Variants in MYO3B observed in about 807,000 individuals in gnomAD.
MYO3B encodes the protein myosin IIIB, also known as myosin-IIIb.
Under a neutral mutation model 174.6 loss-of-function variants are expected in MYO3B, and 156 were observed. The ratio of observed to expected loss-of-function variants is 0.89; its 90% confidence interval spans 0.78 to 1.02. The LOEUF (loss-of-function observed/expected upper bound fraction) is 1.02. Ranked by LOEUF, MYO3B falls within the 50% of genes least tolerant of loss-of-function variation. The pLI, the probability that MYO3B is intolerant of heterozygous loss-of-function variation, is 0.00. For missense variants in MYO3B, 1,632 were observed against 1,639.4 expected (o/e 1.00, Z 0.08); for synonymous variants, 563 against 569.1 (o/e 0.99, Z 0.15).
Position 170,199,192 on chromosome 2 carries a change from T to C in MYO3B, c.3-16T>C. On this transcript the variant is annotated splice_polypyrimidine_tract_variant and intron_variant, in intron 1 of 34. Coordinates refer to ENST00000408978, the MANE Select transcript of MYO3B (RefSeq NM_138995.5). ...TCTGTGATCTGTTGCACATAACAAA[T>C]TTTTCCCCCAACCAGGAAACATCTG... 1 of 1,571,752 alleles carries C rather than the reference T, an allele frequency of 6.4e-7. No homozygotes were observed. Among genetic ancestry groups the C allele is most frequent in the Non-Finnish European group, 8.6e-7 (1 of 1,157,666 alleles).
rs1484172627 is a variant in MYO3B, at chr2:170,375,881, A to G, written c.972-6135A>G. 2.0e-5 allele frequency among the ~76,000 whole-genome samples: 3 copies of G among 152,232 alleles called. No individual in the cohort carries two copies. In the East Asian group the frequency reaches 5.8e-4, roughly 29 times the overall value. ...AATATCCTTTTATCTTCCTAACAGA[A>G]GAAATAAATCTATACCTTGCTATAA... On this transcript the variant is annotated intron_variant, in intron 9 of 34. Transcript: ENST00000408978.
In MYO3B at chr2:170,236,116, AAC is replaced by A. The variant is rs1199117767; in HGVS notation, c.732_733del (p.Phe246Ter). Reference protein sequence around the residue: ...PPLFDMHPVKTLFKIPRNPPP... With the variant: ...PPLFDMHPVKXLFKIPRNPPP... Reference sequence around the variant, plus strand: ...CCCTCTTTGACATGCATCCTGTGAAAACACTCTTTAAGATTCCAAGGTAAGAC... The same window carrying A: ...CCCTCTTTGACATGCATCCTGTGAAAACTCTTTAAGATTCCAAGGTAAGAC... On this transcript the variant is annotated frameshift_variant, in exon 7 of 35. Coordinates refer to ENST00000408978, the MANE Select transcript of MYO3B (RefSeq NM_138995.5). LOFTEE classifies it high-confidence loss of function. 2 of 1,614,184 alleles carry A rather than the reference AAC, an allele frequency of 1.2e-6. No homozygotes were observed. The highest frequency in any genetic ancestry group is 2.2e-5 in the South Asian group (2 of 91,074).
chr2:170,509,370 C>G (rs2106109844), intron 28 of MYO3B, among the ~76,000 whole-genome samples: 1 of 152,164 alleles, frequency 6.6e-6, no homozygotes, highest in South Asian at 2.1e-4. Flanking sequence ...AAAACAAAAA[C>G]AAAATGCTAT....
At chr2:170,225,712 C>A (rs917564515) in intron 6 of MYO3B, among the ~76,000 whole-genome samples, 1 of 152,100 alleles carries the variant, frequency 6.6e-6, no homozygotes, top group Admixed American at 6.6e-5. Context: ...ATCATAGATA[C>A]CTGCTACCCA....
chr2:170,499,517 G>A, intron 26 of MYO3B, 129 bp from the exon 27 acceptor site: 1 of 847,032 alleles, frequency 1.2e-6, no homozygotes, highest in Non-Finnish European at 1.8e-6. Context: ...AGTAATGTGA[G>A]CATAAGTCAC....
rs548031669 is a variant in MYO3B, at chr2:170,395,263, C to G, written c.1791+2768C>G. ...ATTGTGAAGATTGTGCTTTTCAACT[C>G]TTATTTCTGGAGCCAAACCATACTA... is the stretch of plus-strand genomic sequence containing the variant. On this transcript the variant is annotated intron_variant, in intron 16 of 34. Transcript: ENST00000408978. 2.6e-5 allele frequency among the ~76,000 whole-genome samples: 4 copies of G among 152,282 alleles called. No homozygotes were observed. In the East Asian group the frequency reaches 7.7e-4, roughly 29 times the overall value.
intron 32 of MYO3B, among the ~76,000 whole-genome samples, chr2:170,549,670 G>A (rs74347983): frequency 0.013 from 1,966 of 152,238 alleles, 51 homozygotes; most frequent in East Asian, 0.088. Flanking sequence ...CAACTTTCCT[G>A]TGACAGAAAT....
chr2:170,342,366 T>A (rs920220369), intron 8 of MYO3B: 3 of 152,190 alleles, frequency 2.0e-5, no homozygotes, highest in Non-Finnish European at 4.4e-5. Context: ...TAATAGAAAG[T>A]GAGGGTGAGT....
rs1463257005 is a variant in MYO3B at position 170,214,824 on chromosome 2, C to T, written c.522C>T (p.Asp174=). ...CAGAAGGAGGAGTTAAGCTCGTTGA[C>T]TTTGGTAATGACTGCTTGTCGTTTG... is the stretch of plus-strand genomic sequence containing the variant. ...LTTEGGVKLV[D]FGVSAQLTST... is the part of the protein sequence containing the mutation. Residue 174 remains aspartate, a synonymous_variant, in exon 5 of 35, where the codon GAC becomes GAT. Coordinates refer to ENST00000408978, the MANE Select transcript of MYO3B (RefSeq NM_138995.5). 4 of 1,611,810 alleles carry T rather than the reference C, an allele frequency of 2.5e-6. No individual in the cohort carries two copies. In the South Asian group the frequency reaches 4.4e-5, roughly 18 times the overall value.
In MYO3B at chr2:170,404,328, A is replaced by G. The variant is rs368727850; in HGVS notation, c.2359A>G (p.Lys787Glu). The G allele has an allele frequency of 6.2e-7, 1 of 1,613,910 alleles. No homozygotes were observed. The highest frequency in any genetic ancestry group is 8.5e-7 in the Non-Finnish European group (1 of 1,179,952). Reference protein sequence around the residue: ...NRPLLDMFLQKPLGLLALLDE... With the variant: ...NRPLLDMFLQEPLGLLALLDE... The stretch of plus-strand genomic sequence containing the variant: ...CCCGCTCTTGGACATGTTCCTCCAG[A>G]AACCCCTGGGACTGCTTGCACTTTT... The change falls in exon 20 of 35, where the codon AAA (lysine) becomes GAA (glutamate). Residue 787 changes from lysine to glutamate, a missense_variant. Transcript: ENST00000408978.
At chr2:170,310,843 C>T (rs2093734613) in intron 7 of MYO3B, among the ~76,000 whole-genome samples, 1 of 151,804 alleles carries the variant, frequency 6.6e-6, no homozygotes, top group Non-Finnish European at 1.5e-5. Flanking sequence ...ATTGTGGAGA[C>T]CCAAGTTCTT....
At chr2:170,471,707 C>G (rs575070039) in intron 25 of MYO3B, among the ~76,000 whole-genome samples, 4 of 152,106 alleles carry the variant, frequency 2.6e-5, no homozygotes, top group Admixed American at 1.3e-4. Context: ...ATCACTTGAC[C>G]AGGCCGGGGC....
rs916647672 is a variant in MYO3B, at chr2:170,375,860, T to C, written c.972-6156T>C. ...AGCTTAACACACAGGAGGTTAAATA[T>C]CCTTTTATCTTCCTAACAGAAGAAA... On this transcript the variant is annotated intron_variant, in intron 9 of 34. Coordinates refer to ENST00000408978, the MANE Select transcript of MYO3B (RefSeq NM_138995.5). 2.0e-5 allele frequency among the ~76,000 whole-genome samples: 3 copies of C among 152,310 alleles called. No homozygotes were observed. In the South Asian group the frequency reaches 6.2e-4, roughly 32 times the overall value.
At chr2:170,514,460 G>A (rs796179976) in intron 28 of MYO3B, among the ~76,000 whole-genome samples, 7 of 152,354 alleles carry the variant, frequency 4.6e-5, no homozygotes, top group African/African-American at 1.7e-4. Flanking sequence ...AAGAGGCAGA[G>A]ATGTGGAGGA....
intron 8 of MYO3B, among the ~76,000 whole-genome samples, chr2:170,352,855 G>C (rs1463990892): frequency 1.3e-5 from 2 of 152,146 alleles, no homozygotes; most frequent in Non-Finnish European, 2.9e-5. Flanking sequence ...TCAACAATGA[G>C]ATACCACTAC....
intron 23 of MYO3B, among the ~76,000 whole-genome samples, chr2:170,445,103 C>T (rs2094830620): frequency 6.6e-6 from 1 of 152,136 alleles, no homozygotes; most frequent in Admixed American, 6.5e-5. Context: ...CAATGCATAA[C>T]CTCATTTTAC....
intron 30 of MYO3B, among the ~76,000 whole-genome samples, chr2:170,526,172 C>A (rs1053181957): frequency 6.6e-6 from 1 of 152,122 alleles, no homozygotes; most frequent in Non-Finnish European, 1.5e-5. Context: ...AGACATTGGA[C>A]AAGTTCCTTC....
chr2:170,462,054 G>A (rs1559024497), intron 23 of MYO3B, among the ~76,000 whole-genome samples: 1 of 152,226 alleles, frequency 6.6e-6, no homozygotes, highest in Non-Finnish European at 1.5e-5. Flanking sequence ...ACAGCGGAGA[G>A]AGTATAACAC....
intron 23 of MYO3B, among the ~76,000 whole-genome samples, chr2:170,453,802 T>C (rs1683754978): frequency 6.6e-6 from 1 of 152,206 alleles, no homozygotes; most frequent in African/African-American, 2.4e-5. Flanking sequence ...GTCACCTCAT[T>C]CCACACCCAG....
Sources: gnomAD v4.1 joint callset for allele counts (sites outside exome capture counted in the v4.1 genomes callset) on GRCh38, gnomAD v4.1.1 for gene constraint, MANE v1.5 for transcripts, NCBI Gene and HGNC (gene_info 2026-07-23, HGNC 2026-07-21) for gene names.